Variants in RPS6KC1 observed in about 807,000 individuals in gnomAD.
RPS6KC1 encodes the protein ribosomal protein S6 kinase C1.
Under a neutral mutation model 103.8 loss-of-function variants are expected in RPS6KC1, and 54 were observed. The observed-to-expected ratio is 0.52, with a 90% confidence interval of 0.42 to 0.65. The LOEUF is 0.65. Among genes scored for constraint, RPS6KC1 ranks in the 30% least tolerant of loss-of-function variants. The pLI is 0.00. For missense variants in RPS6KC1, 1,151 were observed against 1,253.8 expected (o/e 0.92, Z 1.24); for synonymous variants, 439 against 438.7 (o/e 1.00, Z -0.01).
the RPS6KC1 span, among the ~76,000 whole-genome samples, chr1:213,545,242 G>T: frequency 2.0e-5 from 3 of 151,978 alleles, no homozygotes; most frequent in African/African-American, 7.2e-5. Context: ...GTGGTGATGG[G>T]CCCCTGTAAT....
chr1:213,153,426 A>G (rs1429942934), intron 6 of RPS6KC1, among the ~76,000 whole-genome samples: 1 of 152,220 alleles, frequency 6.6e-6, no homozygotes, highest in Non-Finnish European at 1.5e-5. Flanking sequence ...CTTGATAACA[A>G]CTTAACACTT....
the RPS6KC1 span, among the ~76,000 whole-genome samples, chr1:213,578,351 T>C: frequency 2.0e-5 from 3 of 152,222 alleles, no homozygotes; most frequent in Admixed American, 6.5e-5. Context: ...AACTGTGAAG[T>C]TGAAGCCCGT....
rs188415975 is a variant in RPS6KC1, at chr1:213,176,294, G to A, written c.952-106G>A. ...TCTTCCTTTCATCTTTCCATTCTCT[G>A]ATTTATGATGAATTTACTTTCCTTT... is the stretch of plus-strand genomic sequence containing the variant. On this transcript the variant is annotated intron_variant, in intron 7 of 14. Transcript: ENST00000366960. The A allele has an allele frequency of 1.6e-5, 9 of 570,656 alleles. No individual in the cohort carries two copies. In the Admixed American group the frequency reaches 2.4e-4, roughly 15 times the overall value. The allele number at this position is 570,656 out of a possible 1,614,324, so 35.3% of individuals were successfully genotyped here.
At chr1:213,380,182 G>C in the RPS6KC1 span, among the ~76,000 whole-genome samples, 1 of 152,190 alleles carries the variant, frequency 6.6e-6, no homozygotes, top group South Asian at 2.1e-4. Context: ...CAGCAGCCTG[G>C]ATGGAGCTGG....
the RPS6KC1 span, among the ~76,000 whole-genome samples, chr1:213,817,189 G>C: frequency 6.6e-6 from 1 of 152,264 alleles, no homozygotes; most frequent in East Asian, 1.9e-4. Context: ...GACCCTGGCA[G>C]TGGCTCCCTC....
the RPS6KC1 span, among the ~76,000 whole-genome samples, chr1:213,715,357 T>C: frequency 1.3e-5 from 2 of 152,226 alleles, no homozygotes; most frequent in Non-Finnish European, 2.9e-5. Flanking sequence ...TCATAGCGGG[T>C]AAGACCATCT....
At chr1:213,432,037 C>T in the RPS6KC1 span, among the ~76,000 whole-genome samples, 7 of 152,288 alleles carry the variant, frequency 4.6e-5, no homozygotes, top group Admixed American at 2.6e-4. Context: ...TCATTTCCCA[C>T]GTGCCTAATG....
At chr1:213,240,579 T>C in intron 10 of RPS6KC1, 123 bp from the exon 11 acceptor site, 1 of 789,744 alleles carries the variant, frequency 1.3e-6, no homozygotes, top group Non-Finnish European at 2.1e-6. Context: ...CACACGATAT[T>C]AATGGATATT....
chr1:213,258,452 C>T (rs886308728), intron 12 of RPS6KC1, among the ~76,000 whole-genome samples: 4 of 152,130 alleles, frequency 2.6e-5, no homozygotes, highest in Admixed American at 1.3e-4. Flanking sequence ...ACTAACTATA[C>T]TAGGGGAAAA....
chr1:213,190,446 GTCT>G (rs2092707220), intron 8 of RPS6KC1, among the ~76,000 whole-genome samples: 1 of 152,012 alleles, frequency 6.6e-6, no homozygotes, highest in Middle Eastern at 3.2e-3. Context: ...CCATTTTTAT[GTCT>G]TCTTTTTAGA....
the RPS6KC1 span, among the ~76,000 whole-genome samples, chr1:213,756,865 C>T: frequency 6.6e-6 from 1 of 151,986 alleles, no homozygotes; most frequent in African/African-American, 2.4e-5. Context: ...CTGCCTCGGC[C>T]CCCCCAAAGT....
At chr1:213,073,461 A>C (rs1038991937) in intron 2 of RPS6KC1, among the ~76,000 whole-genome samples, 1 of 152,202 alleles carries the variant, frequency 6.6e-6, no homozygotes, top group African/African-American at 2.4e-5. Context: ...ACATGAATAG[A>C]CAGCAGAAAA....
the RPS6KC1 span, among the ~76,000 whole-genome samples, chr1:213,591,604 G>C: frequency 1.2e-4 from 18 of 152,208 alleles, no homozygotes; most frequent in Non-Finnish European, 8.8e-5. Context: ...CCAGCCTGAT[G>C]ATGGTAGATC....
chr1:213,857,471 C>T, the RPS6KC1 span, among the ~76,000 whole-genome samples: 1 of 152,192 alleles, frequency 6.6e-6, no homozygotes, highest in Non-Finnish European at 1.5e-5. Context: ...TTCTTCTTTT[C>T]ACACTGCAAC....
the RPS6KC1 span, among the ~76,000 whole-genome samples, chr1:213,600,598 T>G: frequency 1.3e-5 from 2 of 152,074 alleles, no homozygotes; most frequent in Non-Finnish European, 2.9e-5. Flanking sequence ...ACAAGATAGG[T>G]GTCTGTTTAG....
chr1:213,311,531 G>T, the RPS6KC1 span, among the ~76,000 whole-genome samples: 1 of 152,158 alleles, frequency 6.6e-6, no homozygotes, highest in African/African-American at 2.4e-5. Flanking sequence ...AGGGAGGGTA[G>T]AAATTTGGTC....
chr1:213,799,507 G>C, the RPS6KC1 span, among the ~76,000 whole-genome samples: 3 of 152,180 alleles, frequency 2.0e-5, no homozygotes, highest in African/African-American at 4.8e-5. Context: ...TGATGAATGT[G>C]ATGATAGTTA....
chr1:213,091,331 A>G (rs1035287425), intron 3 of RPS6KC1, among the ~76,000 whole-genome samples: 1 of 151,988 alleles, frequency 6.6e-6, no homozygotes, highest in Non-Finnish European at 1.5e-5. Context: ...AAGTGCTGGG[A>G]TTACAGGGGT....
chr1:213,288,905 G>T, the RPS6KC1 span, among the ~76,000 whole-genome samples: 1 of 152,070 alleles, frequency 6.6e-6, no homozygotes, highest in African/African-American at 2.4e-5. Context: ...TTCCTTTAAT[G>T]CTGTAGGTCT....
Sources: allele counts gnomAD v4.1 joint callset (sites outside exome capture counted in the v4.1 genomes callset), GRCh38; gene constraint gnomAD v4.1.1; transcripts MANE v1.5; gene names NCBI Gene and HGNC (gene_info 2026-07-23, HGNC 2026-07-21).